Variants in CDH20 observed in about 807,000 individuals in gnomAD.
CDH20 encodes cadherin 20.
CDH20 carries 29 observed loss-of-function variants against 74.2 expected under a neutral mutation model. That is an observed-to-expected ratio of 0.39 (90% CI 0.29 to 0.53). CDH20 has a LOEUF of 0.53. CDH20 is among the 20% of genes least tolerant of loss of function. CDH20 has a pLI of 0.69. For missense variants in CDH20, 988 were observed against 1,048.3 expected (o/e 0.94, Z 0.79); for synonymous variants, 469 against 405.4 (o/e 1.16, Z -1.88).
chr18:61,445,316 C>T (rs1208000080), intron 1 of CDH20, among the ~76,000 whole-genome samples: 1 of 151,488 alleles, frequency 6.6e-6, no homozygotes, highest in Non-Finnish European at 1.5e-5. Context: ...CAAAAAAAAT[C>T]CACAAATCAG....
At chr18:61,469,680 G>A (rs1409470346) in intron 1 of CDH20, among the ~76,000 whole-genome samples, 2 of 152,176 alleles carry the variant, frequency 1.3e-5, no homozygotes, top group Non-Finnish European at 2.9e-5. Flanking sequence ...AACCTTTGGA[G>A]TATAAACATA....
intron 1 of CDH20, among the ~76,000 whole-genome samples, chr18:61,444,318 TAGAC>T (rs1909127492): frequency 6.6e-6 from 1 of 152,166 alleles, no homozygotes; most frequent in South Asian, 2.1e-4. Context: ...TATACATTAT[TAGAC>T]AGATAAAACA....
intron 1 of CDH20, among the ~76,000 whole-genome samples, chr18:61,334,842 A>G (rs1163633073): frequency 6.6e-6 from 1 of 151,646 alleles, no homozygotes; most frequent in African/African-American, 2.4e-5. Context: ...ATTATTATTA[A>G]TGCTCTTGTT....
At chr18:61,465,144 C>T (rs1909918460) in intron 1 of CDH20, among the ~76,000 whole-genome samples, 1 of 152,178 alleles carries the variant, frequency 6.6e-6, no homozygotes, top group Non-Finnish European at 1.5e-5. Context: ...GTTGGCCTGG[C>T]TGCCCAAGAA....
At chr18:61,473,832 A>G (rs1316164843) in intron 1 of CDH20, among the ~76,000 whole-genome samples, 1 of 152,212 alleles carries the variant, frequency 6.6e-6, no homozygotes, top group Admixed American at 6.5e-5. Flanking sequence ...GTCATAAAAA[A>G]TATCTTTTTA....
At chr18:61,496,610 C>G (rs1911172128) in intron 2 of CDH20, among the ~76,000 whole-genome samples, 1 of 152,164 alleles carries the variant, frequency 6.6e-6, no homozygotes, top group South Asian at 2.1e-4. Flanking sequence ...GCCGCTGTCG[C>G]TGTCGTTTCT....
intron 1 of CDH20, among the ~76,000 whole-genome samples, chr18:61,361,417 T>A (rs574669999): frequency 1.3e-5 from 2 of 152,360 alleles, no homozygotes; most frequent in South Asian, 4.1e-4. Flanking sequence ...ATAAATTTTA[T>A]CATCTGGGCA....
chr18:61,500,323 G>T, intron 3 of CDH20, 60 bp from the exon 4 acceptor site: 1 of 1,568,074 alleles, frequency 6.4e-7, no homozygotes. Context: ...GACCGCTCAG[G>T]ATTGCATCCA....
At chr18:61,446,006 T>C (rs1489936114) in intron 1 of CDH20, among the ~76,000 whole-genome samples, 1 of 152,132 alleles carries the variant, frequency 6.6e-6, no homozygotes, top group African/African-American at 2.4e-5. Context: ...CCTCAAAGCA[T>C]AGCAGCTGGG....
At chr18:61,440,728 T>G (rs560935907) in intron 1 of CDH20, among the ~76,000 whole-genome samples, 223 of 152,262 alleles carry the variant, frequency 1.5e-3, no homozygotes, top group African/African-American at 5.0e-3. Flanking sequence ...CTGCCCCACA[T>G]GGTCTCTCCC....
intron 6 of CDH20, among the ~76,000 whole-genome samples, chr18:61,518,026 C>T (rs1328511860): frequency 2.6e-5 from 4 of 152,144 alleles, no homozygotes; most frequent in African/African-American, 9.7e-5. Flanking sequence ...GGGCAGAGCC[C>T]ACCGCAGCTC....
chr18:61,443,962 T>C (rs1444617406), intron 1 of CDH20, among the ~76,000 whole-genome samples: 4 of 152,080 alleles, frequency 2.6e-5, no homozygotes, highest in Non-Finnish European at 5.9e-5. Flanking sequence ...GAATCTCCAG[T>C]GACTCCCAGT....
At chr18:61,484,281 T>C (rs1910683313) in intron 1 of CDH20, among the ~76,000 whole-genome samples, 1 of 152,218 alleles carries the variant, frequency 6.6e-6, no homozygotes, top group Admixed American at 6.5e-5. Context: ...ATCATTCTTG[T>C]CTAACTGTAG....
At chr18:61,357,889 T>G (rs1910544652) in intron 1 of CDH20, among the ~76,000 whole-genome samples, 1 of 152,152 alleles carries the variant, frequency 6.6e-6, no homozygotes, top group Admixed American at 6.5e-5. Context: ...GTAGCCTCTC[T>G]GGCCCTCAGA....
intron 1 of CDH20, among the ~76,000 whole-genome samples, chr18:61,457,397 G>T (rs549089850): frequency 2.1e-4 from 32 of 152,070 alleles, no homozygotes; most frequent in African/African-American, 7.0e-4. Context: ...CACCCTAAAA[G>T]TCAGGTATTC....
chr18:61,406,491 T>C (rs1174656732), intron 1 of CDH20, among the ~76,000 whole-genome samples: 1 of 152,236 alleles, frequency 6.6e-6, no homozygotes, highest in African/African-American at 2.4e-5. Flanking sequence ...GGGGAGTCTC[T>C]TCCTGCTACA....
rs777738747 is a variant in CDH20, at chr18:61,499,413, C to T, written c.474C>T (p.Ile158=). 6.2e-7 allele frequency: 1 copy of T among 1,614,048 alleles called. No individual in the cohort carries two copies. The change falls in exon 3 of 12, where the codon ATC becomes ATT. Residue 158 remains isoleucine, a synonymous_variant. Transcript: ENST00000262717. ...ESEFIIKIQD[I]NDNEPKFLDG... is the part of the protein sequence containing the mutation. ...AGTTCATCATCAAAATTCAAGACAT[C>T]AATGACAATGAGCCCAAGTTCCTGG... is the stretch of plus-strand genomic sequence containing the variant.
chr18:61,381,746 T>TG (rs1911439118), intron 1 of CDH20, among the ~76,000 whole-genome samples: 1 of 152,210 alleles, frequency 6.6e-6, no homozygotes, highest in Admixed American at 6.5e-5. Flanking sequence ...CTCTAAGAGC[T>TG]GCAAATATTG....
chr18:61,379,279 A>C (rs2144175821), intron 1 of CDH20, among the ~76,000 whole-genome samples: 1 of 152,338 alleles, frequency 6.6e-6, no homozygotes, highest in South Asian at 2.1e-4. Flanking sequence ...TGTGCTGGGC[A>C]CATAAAATTT....
Sources: gnomAD v4.1 joint callset for allele counts (sites outside exome capture counted in the v4.1 genomes callset) on GRCh38, gnomAD v4.1.1 for gene constraint, MANE v1.5 for transcripts, NCBI Gene and HGNC (gene_info 2026-07-23, HGNC 2026-07-21) for gene names.